Variants in KCNJ6 observed in about 807,000 individuals in gnomAD.
The protein encoded by KCNJ6 is potassium inwardly rectifying channel subfamily J member 6, also known as G protein-activated inward rectifier potassium channel 2.
Under a neutral mutation model 34.2 loss-of-function variants are expected in KCNJ6, and 9 were observed. That is an observed-to-expected ratio of 0.26 (90% CI 0.16 to 0.46). The LOEUF is 0.46. KCNJ6 is among the 20% of genes least tolerant of loss of function. KCNJ6 has a pLI of 1.00. For synonymous variants in KCNJ6, 196 were observed against 207.1 expected (o/e 0.95, Z 0.46); for missense variants, 236 against 531.3 (o/e 0.44, Z 5.46).
Position 37,765,214 on chromosome 21 carries a change from C to T in KCNJ6, c.26-50083G>A, listed in dbSNP as rs1218308413. Among the ~76,000 whole-genome samples, 2 of 152,106 alleles carry T rather than the reference C, an allele frequency of 1.3e-5. 1 individual carries two copies. Among genetic ancestry groups the T allele is most frequent in the Admixed American group, 1.3e-4 (2 of 15,280 alleles). On this transcript the variant is annotated intron_variant, in intron 2 of 3. Transcript: ENST00000609713. The stretch of plus-strand genomic sequence containing the variant: ...TGCATGGTGGAAACACTTCATATGA[C>T]ATGCCACTGCACATCTCTTTTAAAT...
rs552429921 is a variant in KCNJ6, at chr21:37,611,572, T to C, written c.*13587A>G. 1.3e-5 allele frequency: 2 copies of C among 152,274 alleles called. No homozygotes were observed. The highest frequency in any genetic ancestry group is 4.8e-5 in the African/African-American group (2 of 41,562). 9.4% of individuals were successfully genotyped at this position (152,274 alleles called of 1,614,324 possible). On this transcript the variant is annotated 3_prime_UTR_variant, in exon 4 of 4. Coordinates refer to ENST00000609713, the MANE Select transcript of KCNJ6 (RefSeq NM_002240.5). Reference sequence around the variant, plus strand: ...TACAGACCAATACCTGTCATAAGCATAGATGCAGAAATCCTCAACAAAATA... The same window carrying C: ...TACAGACCAATACCTGTCATAAGCACAGATGCAGAAATCCTCAACAAAATA...
chr21:37,688,452 T>C (rs2054625373), intron 3 of KCNJ6, among the ~76,000 whole-genome samples: 1 of 152,074 alleles, frequency 6.6e-6, no homozygotes, highest in Non-Finnish European at 1.5e-5. Context: ...CATTGAAACC[T>C]AGCCAGGCAG....
chr21:37,780,013 T>C (rs2055161497), intron 2 of KCNJ6, among the ~76,000 whole-genome samples: 1 of 152,192 alleles, frequency 6.6e-6, no homozygotes, highest in South Asian at 2.1e-4. Context: ...CTGCCAACTT[T>C]TCCTTTGTTG....
intron 3 of KCNJ6, among the ~76,000 whole-genome samples, chr21:37,678,198 A>T (rs186330059): frequency 6.6e-6 from 1 of 152,314 alleles, no homozygotes; most frequent in East Asian, 1.9e-4. Context: ...CAGTGGGGTC[A>T]GTAATTATCT....
chr21:37,807,960 G>C (rs1020624149), intron 2 of KCNJ6, among the ~76,000 whole-genome samples: 3 of 152,122 alleles, frequency 2.0e-5, no homozygotes, highest in African/African-American at 7.2e-5. Flanking sequence ...GCATGTCCTG[G>C]TGTGACATGC....
At chr21:37,687,858 G>C (rs1179275344) in intron 3 of KCNJ6, among the ~76,000 whole-genome samples, 1 of 152,178 alleles carries the variant, frequency 6.6e-6, no homozygotes, top group Non-Finnish European at 1.5e-5. Flanking sequence ...CCTCAGTTTG[G>C]AGTTCTTAGT....
At chr21:37,797,928 A>AT (rs765177288) in intron 2 of KCNJ6, among the ~76,000 whole-genome samples, 6 of 152,150 alleles carry the variant, frequency 3.9e-5, no homozygotes, top group Admixed American at 6.5e-5. Context: ...TTACCTTTGG[A>AT]TTTTTTGTAG....
chr21:37,781,280 G>T (rs768349903), intron 2 of KCNJ6, among the ~76,000 whole-genome samples: 5 of 152,226 alleles, frequency 3.3e-5, no homozygotes, highest in Non-Finnish European at 7.3e-5. Flanking sequence ...TGCCTCGATT[G>T]TGTGACAAAT....
intron 2 of KCNJ6, among the ~76,000 whole-genome samples, chr21:37,719,751 G>GAAATTT (rs1163081515): frequency 1.3e-5 from 2 of 152,132 alleles, no homozygotes; most frequent in Non-Finnish European, 2.9e-5. Context: ...GCCTCATGTT[G>GAAATTT]AAATTTAATC....
At chr21:37,797,605 A>AT (rs566871521) in intron 2 of KCNJ6, among the ~76,000 whole-genome samples, 134 of 147,344 alleles carry the variant, frequency 9.1e-4, no homozygotes, top group East Asian at 2.2e-3. Context: ...TGTGGTTTGC[A>AT]TTTTTTTTTT....
rs77183268 is a variant in KCNJ6 at position 37,838,661 on chromosome 21, G to A, written c.25+1997C>T. ...TCCACTGCATATTTGGACAATACAGGCTGGTCCATTTTGTGATGGCACTGG... is the reference window on the plus strand; with the variant it reads ...TCCACTGCATATTTGGACAATACAGACTGGTCCATTTTGTGATGGCACTGG... On this transcript the variant is annotated intron_variant, in intron 2 of 3. Coordinates refer to ENST00000609713, the MANE Select transcript of KCNJ6 (RefSeq NM_002240.5). 5.9e-3 allele frequency among the ~76,000 whole-genome samples: 906 copies of A among 152,348 alleles called. 10 individuals are homozygous for A. The highest frequency in any genetic ancestry group is 9.5e-3 in the Admixed American group (145 of 15,300).
chr21:37,784,013 A>C (rs192170160), intron 2 of KCNJ6, among the ~76,000 whole-genome samples: 3 of 152,330 alleles, frequency 2.0e-5, no homozygotes, highest in Admixed American at 2.0e-4. Context: ...AACCATGGGA[A>C]AATAAATGTC....
intron 3 of KCNJ6, among the ~76,000 whole-genome samples, chr21:37,636,012 G>A (rs150458554): frequency 6.3e-4 from 96 of 152,286 alleles, no homozygotes; most frequent in Non-Finnish European, 8.4e-4. Context: ...CACGTATTTG[G>A]TGGTGGGTAG....
chr21:37,710,463 C>T (rs2054745678), intron 3 of KCNJ6, among the ~76,000 whole-genome samples: 1 of 152,156 alleles, frequency 6.6e-6, no homozygotes, highest in Non-Finnish European at 1.5e-5. Flanking sequence ...ACTACTGGGT[C>T]TGTTTTTGTG....
At position 37,790,688 on chromosome 21, in the gene KCNJ6, G is replaced by A. The variant is rs368295182; in HGVS notation, c.25+49970C>T. Among the ~76,000 whole-genome samples, 40 of 152,316 alleles carry A rather than the reference G, an allele frequency of 2.6e-4. No homozygotes were observed. In the South Asian group the frequency reaches 7.9e-3, roughly 30 times the overall value. On this transcript the variant is annotated intron_variant, in intron 2 of 3. Transcript: ENST00000609713. ...TCTGCTACCTGTAGGGGACCTATATGTGACTAAGGGACTGTGACTATAGTC... is the reference window on the plus strand; with the variant it reads ...TCTGCTACCTGTAGGGGACCTATATATGACTAAGGGACTGTGACTATAGTC...
intron 3 of KCNJ6, among the ~76,000 whole-genome samples, chr21:37,642,221 G>C (rs2054383966): frequency 6.6e-6 from 1 of 152,158 alleles, no homozygotes; most frequent in South Asian, 2.1e-4. Flanking sequence ...GAGGGGGCGA[G>C]ATTGCCTAGG....
rs111264261 is a variant in KCNJ6 at position 37,737,322 on chromosome 21, T to A, written c.26-22191A>T. On this transcript the variant is annotated intron_variant, in intron 2 of 3. Coordinates refer to ENST00000609713, the MANE Select transcript of KCNJ6 (RefSeq NM_002240.5). ...TGATTCCTACTTTAACCTGAACTAC[T>A]TGGTGGATTTTCATCAGACAGTGGA... is the stretch of plus-strand genomic sequence containing the variant. 7.0e-3 allele frequency among the ~76,000 whole-genome samples: 1,071 copies of A among 152,330 alleles called. 9 individuals carry two copies. Among genetic ancestry groups the A allele is most frequent in the African/African-American group, 0.024 (1,011 of 41,574 alleles).
chr21:37,770,236 A>G (rs1208785649), intron 2 of KCNJ6, among the ~76,000 whole-genome samples: 1 of 152,140 alleles, frequency 6.6e-6, no homozygotes, highest in Non-Finnish European at 1.5e-5. Context: ...GTCTTGTAAG[A>G]CACTGCTGAT....
chr21:37,751,752 G>A (rs959835939), intron 2 of KCNJ6, among the ~76,000 whole-genome samples: 5 of 152,044 alleles, frequency 3.3e-5, no homozygotes, highest in Non-Finnish European at 5.9e-5. Flanking sequence ...TTACCAGAAG[G>A]GAGAATGATG....
Sources: gnomAD v4.1 joint callset for allele counts (sites outside exome capture counted in the v4.1 genomes callset) on GRCh38, gnomAD v4.1.1 for gene constraint, MANE v1.5 for transcripts, NCBI Gene and HGNC (gene_info 2026-07-23, HGNC 2026-07-21) for gene names.